The following SGCZ variants were observed in gnomAD, a reference collection of about 807,000 sequenced individuals.
SGCZ encodes the protein sarcoglycan zeta, also known as zeta-sarcoglycan.
A neutral mutation model predicts 41.3 loss-of-function variants in SGCZ; 40 were observed. The ratio of observed to expected loss-of-function variants is 0.97; its 90% CI spans 0.75 to 1.26. The LOEUF (loss-of-function observed/expected upper bound fraction) is 1.26. Among genes scored for constraint, SGCZ ranks in the 50% most tolerant of loss-of-function variants. The probability of loss-of-function intolerance (pLI) is 0.00; values close to 1 mark genes in which losing one functional copy is unlikely to be tolerated. For synonymous variants in SGCZ, 206 were observed against 137.5 expected (o/e 1.50, Z -3.49); for missense variants, 552 against 369.8 (o/e 1.49, Z -4.04).
chr8:15,000,257 A>G (rs116889834), intron 1 of SGCZ, among the ~76,000 whole-genome samples: 2,193 of 152,158 alleles, frequency 0.014, 24 homozygotes, highest in Middle Eastern at 0.041. Flanking sequence ...TCTGAGGAAA[A>G]TATTTCTGTT....
chr8:15,015,236 C>T (rs1802981550), intron 1 of SGCZ, among the ~76,000 whole-genome samples: 1 of 150,186 alleles, frequency 6.7e-6, no homozygotes, highest in Admixed American at 6.6e-5. Context: ...GAGTGAGACT[C>T]CATCTTAAAA....
chr8:14,555,126 T>C (rs1191873827), intron 1 of SGCZ, among the ~76,000 whole-genome samples, 200 bp from the exon 2 acceptor site: 1 of 152,040 alleles, frequency 6.6e-6, no homozygotes, highest in African/African-American at 2.4e-5. Flanking sequence ...TTTAGAGATG[T>C]TTAATTCATT....
intron 1 of SGCZ, among the ~76,000 whole-genome samples, chr8:14,561,694 C>T (rs1362960721): frequency 6.6e-6 from 1 of 152,096 alleles, no homozygotes; most frequent in Non-Finnish European, 1.5e-5. Context: ...TGAGTATCCG[C>T]ATTGCTTATA....
chr8:14,150,203 C>T (rs1002132962), intron 5 of SGCZ, among the ~76,000 whole-genome samples: 2 of 152,020 alleles, frequency 1.3e-5, no homozygotes, highest in African/African-American at 4.8e-5. Flanking sequence ...AAAGCTTTTG[C>T]TGTTATGATC....
At chr8:15,221,949 A>G (rs935079061) in intron 1 of SGCZ, among the ~76,000 whole-genome samples, 3 of 152,198 alleles carry the variant, frequency 2.0e-5, no homozygotes, top group Non-Finnish European at 2.9e-5. Flanking sequence ...TGAGTCTTCA[A>G]TTGTAGCTTT....
At chr8:14,871,363 G>C (rs1163682160) in intron 1 of SGCZ, among the ~76,000 whole-genome samples, 1 of 152,126 alleles carries the variant, frequency 6.6e-6, no homozygotes, top group Non-Finnish European at 1.5e-5. Context: ...AATACCATTT[G>C]ACCCAGTAAT....
chr8:14,188,568 GA>G (rs1804981111), intron 4 of SGCZ, among the ~76,000 whole-genome samples: 1 of 152,128 alleles, frequency 6.6e-6, no homozygotes, highest in Non-Finnish European at 1.5e-5. Flanking sequence ...TGCTGAGAGC[GA>G]AAGGGTTCAG....
intron 1 of SGCZ, among the ~76,000 whole-genome samples, chr8:15,135,692 T>C (rs770971951): frequency 2.8e-4 from 42 of 152,144 alleles, no homozygotes; most frequent in Non-Finnish European, 5.6e-4. Context: ...AGACTGTGTG[T>C]AGTACTGATG....
intron 1 of SGCZ, among the ~76,000 whole-genome samples, chr8:14,846,726 A>C (rs942974983): frequency 5.1e-5 from 7 of 138,438 alleles, no homozygotes; most frequent in Non-Finnish European, 1.1e-4. Flanking sequence ...AAAAAAAAAA[A>C]AAGTCAGACC....
At chr8:15,196,144 G>T (rs535642843) in intron 1 of SGCZ, among the ~76,000 whole-genome samples, 6 of 133,972 alleles carry the variant, frequency 4.5e-5, no homozygotes, top group African/African-American at 8.5e-5. Flanking sequence ...TGATCCGCCC[G>T]CCTCGGCCTC....
At chr8:15,190,312 G>C (rs1800489518) in intron 1 of SGCZ, among the ~76,000 whole-genome samples, 1 of 151,786 alleles carries the variant, frequency 6.6e-6, no homozygotes, top group Non-Finnish European at 1.5e-5. Flanking sequence ...AATCAGGAAA[G>C]ATGAAATGAA....
At chr8:14,729,339 G>A (rs1029413651) in intron 1 of SGCZ, among the ~76,000 whole-genome samples, 1 of 152,142 alleles carries the variant, frequency 6.6e-6, no homozygotes, top group Non-Finnish European at 1.5e-5. Context: ...CTTGTATCAT[G>A]CTATTGCGGA....
intron 1 of SGCZ, among the ~76,000 whole-genome samples, chr8:15,164,930 T>C (rs1342369976): frequency 1.3e-5 from 2 of 152,140 alleles, no homozygotes; most frequent in African/African-American, 4.8e-5. Flanking sequence ...GCCCTGTCTC[T>C]TAAAGGGCCC....
chr8:14,195,632 G>C (rs1047304714), intron 4 of SGCZ, among the ~76,000 whole-genome samples: 2 of 152,110 alleles, frequency 1.3e-5, no homozygotes, highest in African/African-American at 4.8e-5. Context: ...CAGTGATGGA[G>C]TCAAAATTTT....
At chr8:14,448,173 G>A (rs918522541) in intron 2 of SGCZ, among the ~76,000 whole-genome samples, 13 of 152,162 alleles carry the variant, frequency 8.5e-5, no homozygotes, top group African/African-American at 2.9e-4. Flanking sequence ...GACTCTAAAC[G>A]CTCTTGCTAC....
chr8:15,058,742 C>A (rs4831323), intron 1 of SGCZ, among the ~76,000 whole-genome samples: 79,106 of 151,924 alleles, frequency 0.52, 21,819 homozygotes, highest in Admixed American at 0.63. Flanking sequence ...CCTTGGATCC[C>A]ATGTCTTCTT....
chr8:15,203,309 A>G (rs997184307), intron 1 of SGCZ, among the ~76,000 whole-genome samples: 1 of 152,036 alleles, frequency 6.6e-6, no homozygotes, highest in African/African-American at 2.4e-5. Context: ...TTTTATCTCT[A>G]TTTCTCCTGG....
chr8:14,993,848 CAT>C (rs1331838841), intron 1 of SGCZ, among the ~76,000 whole-genome samples: 2 of 152,176 alleles, frequency 1.3e-5, no homozygotes, highest in African/African-American at 4.8e-5. Flanking sequence ...TTTTTCTCCA[CAT>C]GAGTTAGGAA....
intron 1 of SGCZ, among the ~76,000 whole-genome samples, chr8:14,665,623 A>C (rs1197147627): frequency 6.6e-6 from 1 of 152,196 alleles, no homozygotes; most frequent in Non-Finnish European, 1.5e-5. Context: ...TTGCATTACT[A>C]TATTTTAAAA....
Sources: allele counts gnomAD v4.1 joint callset (sites outside exome capture counted in the v4.1 genomes callset), GRCh38; gene constraint gnomAD v4.1.1; transcripts MANE v1.5; gene names NCBI Gene and HGNC (gene_info 2026-07-23, HGNC 2026-07-21).